Variants in AUTS2 observed in about 807,000 individuals in gnomAD.
AUTS2 encodes the protein autism susceptibility gene 2 protein.
In AUTS2, 17 loss-of-function variants were observed where a neutral mutation model predicts 112.4. The observed-to-expected ratio is 0.15, with a 90% CI of 0.10 to 0.23. The LOEUF (loss-of-function observed/expected upper bound fraction) is 0.23. Ranked by LOEUF, AUTS2 falls within the 10% of genes least tolerant of loss-of-function variation. The pLI is 1.00. For missense variants in AUTS2, 1,510 were observed against 1,701.6 expected (o/e 0.89, Z 1.98); for synonymous variants, 751 against 702.7 (o/e 1.07, Z -1.09).
intron 14 of AUTS2, among the ~76,000 whole-genome samples, chr7:70,777,553 G>A (rs1037521611): frequency 6.6e-6 from 1 of 152,100 alleles, no homozygotes; most frequent in Non-Finnish European, 1.5e-5. Context: ...TGCCCAGGCT[G>A]GTCTCAGACT....
chr7:70,452,561 C>A (rs1796578613), intron 5 of AUTS2, among the ~76,000 whole-genome samples: 1 of 152,122 alleles, frequency 6.6e-6, no homozygotes, highest in African/African-American at 2.4e-5. Flanking sequence ...ACCGACTTAC[C>A]CTGCAAAAAA....
chr7:69,615,171 G>A (rs965552518), intron 1 of AUTS2, among the ~76,000 whole-genome samples: 6 of 152,080 alleles, frequency 3.9e-5, no homozygotes, highest in African/African-American at 1.4e-4. Context: ...CCCTCTGGTG[G>A]TCTATAATAC....
intron 2 of AUTS2, among the ~76,000 whole-genome samples, chr7:69,966,805 C>CT (rs1281856288): frequency 6.6e-6 from 1 of 152,020 alleles, no homozygotes; most frequent in African/African-American, 2.4e-5. Flanking sequence ...CCATTTCACA[C>CT]TTTTTCTTGG....
At chr7:69,803,390 T>C (rs1790168203) in intron 1 of AUTS2, among the ~76,000 whole-genome samples, 1 of 152,120 alleles carries the variant, frequency 6.6e-6, no homozygotes, top group Non-Finnish European at 1.5e-5. Flanking sequence ...CCCACTAATA[T>C]AACAAAACTC....
chr7:70,183,971 T>C (rs984475779), intron 4 of AUTS2, among the ~76,000 whole-genome samples: 3 of 151,980 alleles, frequency 2.0e-5, no homozygotes, highest in Non-Finnish European at 2.9e-5. Flanking sequence ...ATAGAACATA[T>C]AATTCAGCAG....
At chr7:70,401,112 G>A (rs1794308363) in intron 4 of AUTS2, among the ~76,000 whole-genome samples, 1 of 152,204 alleles carries the variant, frequency 6.6e-6, no homozygotes, top group Non-Finnish European at 1.5e-5. Flanking sequence ...ATTTGATGGG[G>A]AATGTGAGGG....
Position 70,239,730 on chromosome 7 carries a change from C to T in AUTS2, c.660+105159C>T, listed in dbSNP as rs993422587. ...GATTACAGGCGTGAGCCACCATACC[C>T]GGCCCCTGCAACCTAATTTTTAAGG... On this transcript the variant is annotated intron_variant, in intron 4 of 18. Transcript: ENST00000342771. Among the ~76,000 whole-genome samples, 7 of 152,286 alleles carry T rather than the reference C, an allele frequency of 4.6e-5. No homozygotes were observed. In the East Asian group the frequency reaches 9.7e-4, roughly 21 times the overall value.
At chr7:70,439,538 C>CAAAAAAAA (rs71077657) in intron 5 of AUTS2, among the ~76,000 whole-genome samples, 2 of 73,304 alleles carry the variant, frequency 2.7e-5, no homozygotes, top group African/African-American at 6.1e-5. Context: ...GACTCCATCT[C>CAAAAAAAA]AAAAAAAAAA....
At chr7:70,759,600 C>T (rs1789428349) in intron 6 of AUTS2, among the ~76,000 whole-genome samples, 1 of 152,196 alleles carries the variant, frequency 6.6e-6, no homozygotes, top group Non-Finnish European at 1.5e-5. Context: ...CGGCCACAGC[C>T]TTGGCACCAC....
chr7:70,656,611 G>A (rs1456959645), intron 5 of AUTS2, among the ~76,000 whole-genome samples: 1 of 152,168 alleles, frequency 6.6e-6, no homozygotes, highest in Non-Finnish European at 1.5e-5. Context: ...AGAAATAAGG[G>A]TATAAGAGCT....
intron 5 of AUTS2, among the ~76,000 whole-genome samples, chr7:70,625,413 C>T (rs914363694): frequency 8.5e-5 from 13 of 152,212 alleles, no homozygotes; most frequent in Non-Finnish European, 4.4e-5. Context: ...TCACACAATA[C>T]TTGACAGTCA....
intron 14 of AUTS2, 78 bp downstream of exon 14, chr7:70,777,252 A>G (rs1317428511): frequency 7.5e-7 from 1 of 1,329,578 alleles, no homozygotes; most frequent in Non-Finnish European, 1.1e-6. Flanking sequence ...AACCTGATGA[A>G]GGAGGCATTT....
At chr7:70,730,279 G>A (rs534177072) in intron 6 of AUTS2, among the ~76,000 whole-genome samples, 1 of 152,106 alleles carries the variant, frequency 6.6e-6, no homozygotes, top group East Asian at 1.9e-4. Flanking sequence ...CACAGACCAT[G>A]AAATTCACTC....
chr7:70,408,658 TC>T (rs1794645179), intron 4 of AUTS2, among the ~76,000 whole-genome samples: 1 of 152,084 alleles, frequency 6.6e-6, no homozygotes, highest in Admixed American at 6.5e-5. Flanking sequence ...CCCCACCACC[TC>T]CCCAGTCAGC....
intron 4 of AUTS2, among the ~76,000 whole-genome samples, chr7:70,247,664 G>A (rs372317625): frequency 1.3e-5 from 2 of 152,044 alleles, no homozygotes; most frequent in African/African-American, 2.4e-5. Context: ...TTTGCAGCTC[G>A]TCTAGATTTC....
At chr7:70,276,848 T>A (rs574815332) in intron 4 of AUTS2, among the ~76,000 whole-genome samples, 1 of 152,276 alleles carries the variant, frequency 6.6e-6, no homozygotes, top group East Asian at 1.9e-4. Flanking sequence ...AGGCTAGTAA[T>A]AGGCTTGAGT....
rs578047602 is a variant in AUTS2, at chr7:70,749,799, A to G, written c.743-13071A>G. ...CTGACAGAGAAGTCATCGCCAAAGGATAGTAGATATTACCCAAGGCAAAGC... is the reference window on the plus strand; with the variant it reads ...CTGACAGAGAAGTCATCGCCAAAGGGTAGTAGATATTACCCAAGGCAAAGC... On this transcript the variant is annotated intron_variant, in intron 6 of 18. Coordinates refer to ENST00000342771, the MANE Select transcript of AUTS2 (RefSeq NM_015570.4). Among the ~76,000 whole-genome samples, 169 of 152,338 alleles carry G rather than the reference A, an allele frequency of 1.1e-3. 1 individual carries two copies. Among genetic ancestry groups the G allele is most frequent in the African/African-American group, 3.5e-3 (147 of 41,584 alleles).
intron 5 of AUTS2, among the ~76,000 whole-genome samples, chr7:70,679,922 C>G (rs1585494474): frequency 6.6e-6 from 1 of 152,172 alleles, no homozygotes. Flanking sequence ...GTTTTTAAAA[C>G]ACAAAGCTGA....
intron 2 of AUTS2, among the ~76,000 whole-genome samples, chr7:70,065,501 C>A (rs189224580): frequency 6.6e-6 from 1 of 152,042 alleles, no homozygotes; most frequent in African/African-American, 2.4e-5. Context: ...CAAGACCAGC[C>A]CGAGTAACAT....
Sources: gnomAD v4.1 joint callset for allele counts (sites outside exome capture counted in the v4.1 genomes callset) on GRCh38, gnomAD v4.1.1 for gene constraint, MANE v1.5 for transcripts, NCBI Gene and HGNC (gene_info 2026-07-23, HGNC 2026-07-21) for gene names.